Variants in PRRG1 observed in about 807,000 individuals in gnomAD.
PRRG1 encodes the protein transmembrane gamma-carboxyglutamic acid protein 1.
In PRRG1, 5 loss-of-function variants were observed where a neutral mutation model predicts 11.8. The ratio of observed to expected loss-of-function variants is 0.42; its 90% CI spans 0.22 to 0.89. PRRG1 has a LOEUF of 0.89. Among genes scored for constraint, PRRG1 ranks in the 40% least tolerant of loss-of-function variants. PRRG1 has a pLI of 0.28. For missense variants in PRRG1, 155 were observed against 166.1 expected, an observed-to-expected ratio of 0.93 and a Z score of 0.37; for synonymous variants, 66 against 60.4, an observed-to-expected ratio of 1.09 and a Z score of -0.43.
intron 1 of PRRG1, among the ~76,000 whole-genome samples, chrX:37,386,971 A>G (rs782162421): frequency 8.9e-6 from 1 of 111,849 alleles, no homozygotes. Context: ...TTGTATTCAA[A>G]TAGCCTACCA....
In PRRG1 at chrX:37,427,622, C is replaced by T. The variant is rs951254273; in HGVS notation, c.171+1622C>T. On this transcript the variant is annotated intron_variant, in intron 3 of 3. Coordinates refer to ENST00000378628, the MANE Select transcript of PRRG1 (RefSeq NM_001142395.2). ...TGTTTGCTACTTCTCATTTCTTTCT[C>T]CCCAAGCCCCTGGCAACCACCATTC... Among the ~76,000 whole-genome samples, 26 of 112,189 alleles carry T rather than the reference C, an allele frequency of 2.3e-4. 1 individual carries two copies. Among genetic ancestry groups the T allele is most frequent in the African/African-American group, 7.8e-4 (24 of 30,905 alleles).
chrX:37,373,351 A>C (rs1359136604), intron 1 of PRRG1, among the ~76,000 whole-genome samples: 2 of 112,117 alleles, frequency 1.8e-5, no homozygotes, highest in Non-Finnish European at 3.8e-5. Context: ...AAATTTTGAT[A>C]GGGATTCCAT....
intron 3 of PRRG1, among the ~76,000 whole-genome samples, chrX:37,443,340 C>T (rs937480686): frequency 9.0e-6 from 1 of 111,511 alleles, no homozygotes; most frequent in Non-Finnish European, 1.9e-5. Context: ...GAATACATGT[C>T]ATGTGAAATC....
intron 2 of PRRG1, among the ~76,000 whole-genome samples, chrX:37,422,813 T>A (rs141816000): frequency 0.031 from 3,431 of 111,538 alleles, 128 homozygotes; most frequent in African/African-American, 0.1. Context: ...AACACATTAC[T>A]CACATGTTTG....
At chrX:37,392,844 G>C (rs1556377095) in intron 1 of PRRG1, among the ~76,000 whole-genome samples, 1 of 111,176 alleles carries the variant, frequency 9.0e-6, no homozygotes, top group African/African-American at 3.3e-5. Context: ...ACTTTTGCTT[G>C]TTTAAATAAA....
chrX:37,383,482 G>A (rs989753873), intron 1 of PRRG1, among the ~76,000 whole-genome samples: 2 of 110,963 alleles, frequency 1.8e-5, no homozygotes, highest in Non-Finnish European at 3.8e-5. Flanking sequence ...ATTCACTACA[G>A]TGACATGATT....
At chrX:37,422,540 A>G (rs1168564393) in intron 2 of PRRG1, among the ~76,000 whole-genome samples, 3 of 112,267 alleles carry the variant, frequency 2.7e-5, no homozygotes, top group African/African-American at 9.7e-5. Context: ...GGCCTGTTAT[A>G]TGGAGGAGAC....
intron 1 of PRRG1, among the ~76,000 whole-genome samples, chrX:37,375,531 G>A (rs147914317): frequency 5.4e-5 from 6 of 111,557 alleles, no homozygotes; most frequent in Admixed American, 2.9e-4. Flanking sequence ...TTTACCTAGC[G>A]TTTATATTGT....
chrX:37,454,441 C>A lies in PRRG1; in HGVS notation c.*820C>A, dbSNP rs1198934886. 4 of 111,725 alleles carry A rather than the reference C, an allele frequency of 3.6e-5. No individual in the cohort carries two copies. The highest frequency in any genetic ancestry group is 1.3e-4 in the African/African-American group (4 of 30,721). The allele number at this position is 111,725 out of a possible 1,213,427, so 9.2% of individuals were successfully genotyped here. ...AATGGATATATGTGTGGATTAATGA[C>A]AGGCAGTAAATACCCATTACTCCTT... On this transcript the variant is annotated 3_prime_UTR_variant, in exon 4 of 4. Coordinates refer to ENST00000378628, the MANE Select transcript of PRRG1 (RefSeq NM_001142395.2).
chrX:37,453,425 G>T lies in PRRG1; in HGVS notation c.461G>T (p.Gly154Val). The T allele has an allele frequency of 8.3e-7, 1 of 1,209,292 alleles. No individual in the cohort carries two copies. The change falls in exon 4 of 4, where the codon GGG (glycine) becomes GTG (valine). Residue 154 changes from glycine (G) to valine (V), a missense_variant. Transcript: ENST00000378628. ...LSPGFLGYVV[G>V]RSDSVSTRLS... Reference sequence around the variant, plus strand: ...CCAGGCTTTCTGGGATATGTAGTTGGGCGCTCAGATTCCGTCTCTACTCGC... The same window carrying T: ...CCAGGCTTTCTGGGATATGTAGTTGTGCGCTCAGATTCCGTCTCTACTCGC...
chrX:37,393,691 A>T (rs782508186), intron 1 of PRRG1, among the ~76,000 whole-genome samples: 6 of 112,098 alleles, frequency 5.4e-5, no homozygotes, highest in Non-Finnish European at 1.1e-4. Context: ...AAGGTCCTTT[A>T]TTTATAGTTA....
At chrX:37,425,542 G>A (rs1556388175) in intron 2 of PRRG1, among the ~76,000 whole-genome samples, 2 of 112,123 alleles carry the variant, frequency 1.8e-5, no homozygotes, top group Non-Finnish European at 3.8e-5. Flanking sequence ...ATGAGTATAA[G>A]TAGTGCTATC....
At chrX:37,407,842 CT>C (rs1259782301) in intron 2 of PRRG1, among the ~76,000 whole-genome samples, 1 of 111,544 alleles carries the variant, frequency 9.0e-6, no homozygotes, top group Admixed American at 9.5e-5. Context: ...TTTTGTTGCA[CT>C]TTGCTTGCCC....
At chrX:37,381,622 A>G (rs1931156904) in intron 1 of PRRG1, among the ~76,000 whole-genome samples, 1 of 110,896 alleles carries the variant, frequency 9.0e-6, no homozygotes, top group African/African-American at 3.3e-5. Flanking sequence ...CTCTCTTATT[A>G]TTGATCTTTC....
intron 1 of PRRG1, among the ~76,000 whole-genome samples, chrX:37,390,561 A>G (rs1340220138): frequency 2.7e-5 from 3 of 112,015 alleles, no homozygotes; most frequent in Non-Finnish European, 5.6e-5. Context: ...CATAAAACTC[A>G]TTTATGGTAT....
intron 2 of PRRG1, among the ~76,000 whole-genome samples, chrX:37,411,084 T>G (rs114144283): frequency 0.047 from 5,251 of 111,565 alleles, 300 homozygotes; most frequent in African/African-American, 0.16. Context: ...CATCTGTAGA[T>G]TCAACCAACC....
At chrX:37,431,351 T>C (rs1168842269) in intron 3 of PRRG1, among the ~76,000 whole-genome samples, 1 of 112,414 alleles carries the variant, frequency 8.9e-6, no homozygotes, top group African/African-American at 3.2e-5. Context: ...TACCATCTTA[T>C]AGTCTCACCA....
chrX:37,384,495 A>T (rs999430605), intron 1 of PRRG1, among the ~76,000 whole-genome samples: 5 of 111,669 alleles, frequency 4.5e-5, no homozygotes, highest in African/African-American at 1.3e-4. Context: ...TAGAAGAGGC[A>T]CGTAACTATA....
At chrX:37,403,651 A>AATAAT (rs1556381171) in intron 1 of PRRG1, 2 of 390,523 alleles carry the variant, frequency 5.1e-6, no homozygotes, top group Non-Finnish European at 6.4e-6. Flanking sequence ...AAAATAATAA[A>AATAAT]ATAAAATAAA....
Sources: gnomAD v4.1 joint callset for allele counts (sites outside exome capture counted in the v4.1 genomes callset) on GRCh38, gnomAD v4.1.1 for gene constraint, MANE v1.5 for transcripts, NCBI Gene and HGNC (gene_info 2026-07-23, HGNC 2026-07-21) for gene names.